DCTN5: variants seen among roughly 807,000 people sequenced by gnomAD.
DCTN5 encodes dynactin subunit 5.
In DCTN5, 14 loss-of-function variants were observed where a neutral mutation model predicts 23.5. That is an observed-to-expected ratio of 0.60 (90% CI 0.39 to 0.93). The LOEUF (loss-of-function observed/expected upper bound fraction) is 0.93, where lower values mean the gene tolerates loss of function less well. DCTN5 is among the 40% of genes least tolerant of loss of function. DCTN5 has a pLI of 0.00. For synonymous variants in DCTN5, 67 were observed against 79.6 expected (o/e 0.84, Z 0.84); for missense variants, 156 against 225.9 (o/e 0.69, Z 1.98).
At position 23,660,816 on chromosome 16, in the gene DCTN5, C is replaced by T. The variant is rs144113613; in HGVS notation, c.237-354C>T. The stretch of plus-strand genomic sequence containing the variant: ...TGAGCCTACTGTCAATCCCCTGGAA[C>T]ATTATAGGGCAGGTTACTAAAAATG... On this transcript the variant is annotated intron_variant, in intron 3 of 5. Transcript: ENST00000300087. 1.6e-3 allele frequency among the ~76,000 whole-genome samples: 238 copies of T among 152,284 alleles called. 2 individuals carry two copies. The highest frequency in any genetic ancestry group is 5.2e-3 in the African/African-American group (216 of 41,556).
At chr16:23,647,663 A>C (rs186616605) in intron 2 of DCTN5, among the ~76,000 whole-genome samples, 1 of 151,178 alleles carries the variant, frequency 6.6e-6, no homozygotes, top group Non-Finnish European at 1.5e-5. Flanking sequence ...GCGTGCCTCC[A>C]TGCCTGGCTA....
rs1356439084 is a variant in DCTN5, at chr16:23,671,666, C to T, written c.*4522C>T. On this transcript the variant is annotated 3_prime_UTR_variant, in exon 6 of 6. Transcript: ENST00000300087. ...GCAAAATCCATGTTTTATGCAGCTC[C>T]TCCACTATCTTGGCCTCCAAGGCAG... 6.6e-6 allele frequency: 1 copy of T among 152,250 alleles called. No homozygotes were observed. Among genetic ancestry groups the T allele is most frequent in the East Asian group, 1.9e-4 (1 of 5,204 alleles). 9.4% of individuals were successfully genotyped at this position (152,250 alleles called of 1,614,324 possible). A position where few individuals can be genotyped will look rare whatever the true frequency, so the allele number is the denominator to read the frequency against.
intron 2 of DCTN5, 79 bp from the exon 3 acceptor site, chr16:23,658,428 C>T: frequency 3.4e-6 from 3 of 878,898 alleles, no homozygotes; most frequent in Admixed American, 1.8e-5. Flanking sequence ...AACTCAGAAT[C>T]AGTATCTCGT....
intron 2 of DCTN5, among the ~76,000 whole-genome samples, chr16:23,647,733 C>T (rs1383970082): frequency 6.6e-6 from 1 of 151,986 alleles, no homozygotes; most frequent in Non-Finnish European, 1.5e-5. Context: ...GTCTTGAACT[C>T]CTGACCTCAG....
intron 2 of DCTN5, among the ~76,000 whole-genome samples, chr16:23,647,487 G>A (rs941441796): frequency 2.0e-5 from 3 of 150,816 alleles, no homozygotes; most frequent in African/African-American, 7.4e-5. Flanking sequence ...CCTATTGAGG[G>A]CTGTTTGCTT....
intron 1 of DCTN5, chr16:23,642,631 C>T (rs1967316351): frequency 9.2e-6 from 2 of 217,788 alleles, no homozygotes; most frequent in East Asian, 1.2e-4. Flanking sequence ...TACAGACACG[C>T]GCCACCATGC....
Position 23,658,496 on chromosome 16 carries a change from TCGTCTTA to T in DCTN5, c.118-9_118-3del. The T allele has an allele frequency of 6.2e-7, 1 of 1,604,680 alleles. No homozygotes were observed. Among genetic ancestry groups the T allele is most frequent in the Non-Finnish European group, 8.5e-7 (1 of 1,171,652 alleles). ...TGTTGCTAATTTTTTAAAATTTGCT[TCGTCTTA>T]CAGACCATTGTGATGAATGACTGTA... On this transcript the variant is annotated splice_region_variant and splice_polypyrimidine_tract_variant and intron_variant, in intron 2 of 5. Transcript: ENST00000300087.
At chr16:23,660,002 A>G (rs1046804969) in intron 3 of DCTN5, among the ~76,000 whole-genome samples, 1 of 152,228 alleles carries the variant, frequency 6.6e-6, no homozygotes, top group Non-Finnish European at 1.5e-5. Context: ...TGAAAATATG[A>G]AAGTGTAAAT....
rs752994986 is a variant in DCTN5 at position 23,661,233 on chromosome 16, C to T, written c.300C>T (p.Asn100=). 5.6e-6 allele frequency: 9 copies of T among 1,613,124 alleles called. No homozygotes were observed. Among genetic ancestry groups the T allele is most frequent in the Admixed American group, 1.7e-5 (1 of 59,870 alleles). The part of the protein sequence containing the change: ...HVFIEEDCVV[N]AAQIGSYVHV... ...TTATTGAGGAAGATTGTGTGGTCAA[C>T]GCAGCACAGATTGGTTCCTATGTTC... Residue 100 remains asparagine (N), a synonymous_variant, in exon 4 of 6, where the codon AAC becomes AAT. Transcript: ENST00000300087.
intron 2 of DCTN5, among the ~76,000 whole-genome samples, chr16:23,648,514 T>TA (rs1967524985): frequency 2.0e-5 from 3 of 151,766 alleles, no homozygotes; most frequent in Non-Finnish European, 4.4e-5. Context: ...CATGTCTGGC[T>TA]AATTTTTGTA....
In DCTN5 at chr16:23,653,354, A is replaced by G. The variant is rs372009240; in HGVS notation, c.118-5153A>G. 8.5e-5 allele frequency among the ~76,000 whole-genome samples: 13 copies of G among 152,340 alleles called. 1 individual carries two copies. The highest frequency in any genetic ancestry group is 3.1e-4 in the African/African-American group (13 of 41,568). ...CAGCGTGTTGCTGGTACAAGAACAG[A>G]CACAGAACAATGGAACAGAATAGAA... is the stretch of plus-strand genomic sequence containing the variant. On this transcript the variant is annotated intron_variant, in intron 2 of 5. Coordinates refer to ENST00000300087, the MANE Select transcript of DCTN5 (RefSeq NM_032486.4).
chr16:23,658,174 T>C (rs897229620), intron 2 of DCTN5, among the ~76,000 whole-genome samples: 1 of 152,134 alleles, frequency 6.6e-6, no homozygotes, highest in Admixed American at 6.5e-5. Flanking sequence ...CAGCCAAGGC[T>C]TGGGGGGCAT....
intron 3 of DCTN5, among the ~76,000 whole-genome samples, chr16:23,659,319 C>G (rs1567232513): frequency 6.6e-6 from 1 of 152,220 alleles, no homozygotes; most frequent in Non-Finnish European, 1.5e-5. Context: ...AGCAGGCAAA[C>G]TGACCACCAT....
In DCTN5 at chr16:23,671,515, AGT is replaced by A. The variant is rs944784482; in HGVS notation, c.*4373_*4374del. On this transcript the variant is annotated 3_prime_UTR_variant, in exon 6 of 6. Coordinates refer to ENST00000300087, the MANE Select transcript of DCTN5 (RefSeq NM_032486.4). ...ATTTAATCCTCCCAACTGTCAAAAA[AGT>A]GAGAGTTTCACAGCCTGTTTTACAG... 16 of 152,258 alleles carry A rather than the reference AGT, an allele frequency of 1.1e-4. No individual in the cohort carries two copies. The highest frequency in any genetic ancestry group is 8.5e-4 in the Admixed American group (13 of 15,288). 9.4% of individuals were successfully genotyped at this position (152,258 alleles called of 1,614,324 possible).
intron 3 of DCTN5, among the ~76,000 whole-genome samples, chr16:23,658,850 T>C (rs1461805812): frequency 6.6e-6 from 1 of 152,186 alleles, no homozygotes; most frequent in African/African-American, 2.4e-5. Flanking sequence ...AAAGGATTTC[T>C]GATCAAACAG....
chr16:23,646,493 A>G (rs916759610), intron 2 of DCTN5, among the ~76,000 whole-genome samples: 1 of 152,032 alleles, frequency 6.6e-6, no homozygotes, highest in Non-Finnish European at 1.5e-5. Flanking sequence ...ACTTATGGCC[A>G]TGAAGATTTA....
chr16:23,663,851 T>C (rs754184866), intron 4 of DCTN5, among the ~76,000 whole-genome samples: 17 of 152,250 alleles, frequency 1.1e-4, no homozygotes, highest in Admixed American at 1.1e-3. Context: ...GAAACCCAGT[T>C]AAGTATTATT....
rs767294410 is a variant in DCTN5 at position 23,668,822 on chromosome 16, G to T, written c.*1678G>T. Reference sequence around the variant, plus strand: ...TGAATGAAAGGTTTCTTCCCTTCCAGTTCGAATTTGGAAACTCCCAAAGTT... The same window carrying T: ...TGAATGAAAGGTTTCTTCCCTTCCATTTCGAATTTGGAAACTCCCAAAGTT... On this transcript the variant is annotated 3_prime_UTR_variant, in exon 6 of 6. Transcript: ENST00000300087. 1 of 152,170 alleles carries T rather than the reference G, an allele frequency of 6.6e-6. No individual in the cohort carries two copies. Among genetic ancestry groups the T allele is most frequent in the Non-Finnish European group, 1.5e-5 (1 of 68,046 alleles). The allele number at this position is 152,170 out of a possible 1,614,324, so 9.4% of individuals were successfully genotyped here.
chr16:23,663,990 C>A (rs1967862137), intron 4 of DCTN5, among the ~76,000 whole-genome samples: 1 of 152,172 alleles, frequency 6.6e-6, no homozygotes, highest in East Asian at 1.9e-4. Context: ...TCTGTGGATC[C>A]CTCCATGGGA....
Sources: allele counts gnomAD v4.1 joint callset (sites outside exome capture counted in the v4.1 genomes callset), GRCh38; gene constraint gnomAD v4.1.1; transcripts MANE v1.5; gene names NCBI Gene and HGNC (gene_info 2026-07-23, HGNC 2026-07-21).